The following TMEM117 variants were observed in gnomAD, a reference collection of about 807,000 sequenced individuals.
TMEM117 encodes the protein transmembrane protein 117.
Under a neutral mutation model 52.4 loss-of-function variants are expected in TMEM117, and 27 were observed. That is an observed-to-expected ratio of 0.51 (90% CI 0.38 to 0.71). The LOEUF (loss-of-function observed/expected upper bound fraction) is 0.71. Ranked by LOEUF, TMEM117 falls within the 30% of genes least tolerant of loss-of-function variation. The probability of loss-of-function intolerance (pLI) is 0.00; values close to 1 mark genes in which losing one functional copy is unlikely to be tolerated. For synonymous variants in TMEM117, 215 were observed against 206.3 expected (o/e 1.04, Z -0.36); for missense variants, 556 against 630.5 (o/e 0.88, Z 1.26).
At chr12:44,394,121 T>A (rs1167794270), downstream of TMEM117, among the ~76,000 whole-genome samples, 2 of 152,172 alleles carry the variant, frequency 1.3e-5, no homozygotes, top group Non-Finnish European at 2.9e-5. Context: ...TTGAAAACCA[T>A]ATTTTGAAAT....
intron 4 of TMEM117, among the ~76,000 whole-genome samples, chr12:44,174,001 T>C (rs140705998): frequency 6.6e-4 from 101 of 152,290 alleles, no homozygotes; most frequent in African/African-American, 2.4e-3. Flanking sequence ...CTCCATACAT[T>C]CATGACCCAC....
intron 2 of TMEM117, among the ~76,000 whole-genome samples, chr12:43,874,539 C>T (rs185412674): frequency 2.2e-4 from 33 of 152,160 alleles, no homozygotes; most frequent in Admixed American, 2.0e-3. Context: ...TGCAATGAGC[C>T]GAGATTGCGC....
At chr12:43,798,836 C>A in the TMEM117 span, among the ~76,000 whole-genome samples, 1 of 151,984 alleles carries the variant, frequency 6.6e-6, no homozygotes, top group African/African-American at 2.4e-5. Flanking sequence ...AGTAGAAATA[C>A]AGTAGTTATT....
chr12:44,096,558 C>T (rs1422758588), intron 3 of TMEM117, among the ~76,000 whole-genome samples: 9 of 151,466 alleles, frequency 5.9e-5, no homozygotes, highest in East Asian at 1.9e-4. Flanking sequence ...GAAATAATGC[C>T]GCATATCTAC....
intron 3 of TMEM117, among the ~76,000 whole-genome samples, chr12:44,030,448 C>T (rs541568186): frequency 3.9e-5 from 6 of 152,272 alleles, no homozygotes; most frequent in Non-Finnish European, 7.3e-5. Flanking sequence ...TAATTAAAAT[C>T]GCTTACTAAC....
At chr12:43,945,627 C>T (rs1206177691) in intron 3 of TMEM117, among the ~76,000 whole-genome samples, 1 of 152,128 alleles carries the variant, frequency 6.6e-6, no homozygotes, top group South Asian at 2.1e-4. Flanking sequence ...CTGGCCTGCT[C>T]TCAGTAAGTT....
the TMEM117 span, chr12:43,798,701 T>C: frequency 8.7e-7 from 1 of 1,151,318 alleles, no homozygotes; most frequent in South Asian, 1.6e-5. Context: ...TGCTACCAGT[T>C]TAATATTAAA....
At chr12:43,817,791 C>A in the TMEM117 span, among the ~76,000 whole-genome samples, 8 of 152,146 alleles carry the variant, frequency 5.3e-5, no homozygotes, top group Non-Finnish European at 1.2e-4. Flanking sequence ...TAATTCTCCA[C>A]TTGCATAAAA....
chr12:43,917,440 G>T lies in TMEM117; in HGVS notation c.278-26770G>T, dbSNP rs566414616. Reference sequence around the variant, plus strand: ...GTAAGTGGTTTATGTAATTCACAATGTAATCTTCACAGCAATCTTATGAAG... The same window carrying T: ...GTAAGTGGTTTATGTAATTCACAATTTAATCTTCACAGCAATCTTATGAAG... On this transcript the variant is annotated intron_variant, in intron 2 of 7. Coordinates refer to ENST00000266534, the MANE Select transcript of TMEM117 (RefSeq NM_032256.3). Among the ~76,000 whole-genome samples, 12 of 152,194 alleles carry T rather than the reference G, an allele frequency of 7.9e-5. No homozygotes were observed. The South Asian group carries it at 2.5e-3, about 32-fold the overall frequency.
At chr12:43,944,849 C>G (rs1276948948) in intron 3 of TMEM117, among the ~76,000 whole-genome samples, 2 of 152,218 alleles carry the variant, frequency 1.3e-5, no homozygotes, top group Admixed American at 6.5e-5. Flanking sequence ...CATGGTGGCT[C>G]ATGCTTGTAA....
chr12:44,070,593 G>C (rs185734038), intron 3 of TMEM117, among the ~76,000 whole-genome samples: 2 of 152,226 alleles, frequency 1.3e-5, no homozygotes, highest in African/African-American at 4.8e-5. Flanking sequence ...GTGATCCTCT[G>C]GGGGAGAGCA....
At chr12:44,353,258 CTG>C (rs1355682201) in intron 6 of TMEM117, among the ~76,000 whole-genome samples, 2 of 152,002 alleles carry the variant, frequency 1.3e-5, no homozygotes, top group African/African-American at 4.8e-5. Flanking sequence ...CCTGTTCACT[CTG>C]ATGGTAGTTT....
chr12:43,944,069 T>C, intron 2 of TMEM117, 141 bp from the exon 3 acceptor site: 1 of 644,228 alleles, frequency 1.6e-6, no homozygotes, highest in East Asian at 2.9e-5. Flanking sequence ...GAACATTATA[T>C]TGTGGCTTCA....
intron 6 of TMEM117, among the ~76,000 whole-genome samples, chr12:44,373,236 C>T (rs984338651): frequency 6.6e-6 from 1 of 152,212 alleles, no homozygotes; most frequent in Non-Finnish European, 1.5e-5. Context: ...ACCCACATTG[C>T]ACAAGAAACC....
At chr12:43,885,407 T>C (rs1324287158) in intron 2 of TMEM117, among the ~76,000 whole-genome samples, 1 of 45,322 alleles carries the variant, frequency 2.2e-5, no homozygotes, top group Non-Finnish European at 1.0e-4. Flanking sequence ...TATTTTCTTT[T>C]TCTTTTCTTT....
intron 4 of TMEM117, among the ~76,000 whole-genome samples, chr12:44,160,510 GT>G (rs1339668831): frequency 6.6e-6 from 1 of 152,106 alleles, no homozygotes; most frequent in East Asian, 1.9e-4. Flanking sequence ...TCCTTATACA[GT>G]TTAAAAAATT....
chr12:43,799,043 T>C, the TMEM117 span, among the ~76,000 whole-genome samples: 10 of 152,158 alleles, frequency 6.6e-5, no homozygotes, highest in East Asian at 3.9e-4. Flanking sequence ...ATAATCTGCT[T>C]CAGGCAACCT....
At chr12:43,932,840 G>T (rs1194576680) in intron 2 of TMEM117, among the ~76,000 whole-genome samples, 1 of 152,184 alleles carries the variant, frequency 6.6e-6, no homozygotes, top group African/African-American at 2.4e-5. Flanking sequence ...CAAGACACCA[G>T]TCTGAAAGAC....
At chr12:44,245,869 G>T (rs950650731) in intron 5 of TMEM117, among the ~76,000 whole-genome samples, 2 of 151,956 alleles carry the variant, frequency 1.3e-5, no homozygotes, top group Non-Finnish European at 2.9e-5. Context: ...TACAGTTATT[G>T]GTTGGAAATG....
Sources: allele counts gnomAD v4.1 joint callset (sites outside exome capture counted in the v4.1 genomes callset), GRCh38; gene constraint gnomAD v4.1.1; transcripts MANE v1.5; gene names NCBI Gene and HGNC (gene_info 2026-07-23, HGNC 2026-07-21).